CCSER1: variants seen among roughly 807,000 people sequenced by gnomAD.
CCSER1 encodes the protein coiled-coil serine rich protein 1.
CCSER1 carries 41 observed loss-of-function variants against 82.0 expected under a neutral mutation model. The ratio of observed to expected loss-of-function variants is 0.50; its 90% CI spans 0.39 to 0.65. The LOEUF (loss-of-function observed/expected upper bound fraction) is 0.65. CCSER1 is among the 30% of genes least tolerant of loss of function. CCSER1 has a pLI of 0.00. For synonymous variants in CCSER1, 414 were observed against 383.9 expected, an observed-to-expected ratio of 1.08 and a Z score of -0.92; for missense variants, 1,119 against 1,064.2, an observed-to-expected ratio of 1.05 and a Z score of -0.72.
intron 1 of CCSER1, among the ~76,000 whole-genome samples, chr4:90,225,696 A>G (rs1288411508): frequency 1.3e-5 from 2 of 152,154 alleles, no homozygotes; most frequent in East Asian, 3.9e-4. Context: ...TATAGATCCT[A>G]CTTGCTCTGT....
intron 10 of CCSER1, among the ~76,000 whole-genome samples, chr4:91,262,364 C>T (rs1360396685): frequency 1.3e-5 from 2 of 151,964 alleles, no homozygotes; most frequent in African/African-American, 2.4e-5. Flanking sequence ...TTTTATTAGA[C>T]ACGAAAATGT....
At position 90,425,821 on chromosome 4, in the gene CCSER1, G is replaced by A. The variant is rs1757444221; in HGVS notation, c.1603+25692G>A. ...ACCACTTTTTCTACACACTAAACTT[G>A]ACTTCCAGCAAATATTTATTGAAGA... On this transcript the variant is annotated intron_variant, in intron 4 of 10. Coordinates refer to ENST00000509176, the MANE Select transcript of CCSER1 (RefSeq NM_001145065.2). Among the ~76,000 whole-genome samples, 3 of 152,028 alleles carry A rather than the reference G, an allele frequency of 2.0e-5. 1 individual carries two copies. In the South Asian group the frequency reaches 6.2e-4, roughly 32 times the overall value.
chr4:90,984,636 T>C (rs1183588909), intron 9 of CCSER1, among the ~76,000 whole-genome samples: 1 of 151,766 alleles, frequency 6.6e-6, no homozygotes, highest in African/African-American at 2.4e-5. Context: ...AGGATCTCTT[T>C]TAATGGAGTG....
intron 9 of CCSER1, among the ~76,000 whole-genome samples, chr4:90,960,142 G>A (rs78373917): frequency 6.6e-6 from 1 of 152,046 alleles, no homozygotes; most frequent in Admixed American, 6.6e-5. Flanking sequence ...CTTTCACAGA[G>A]ATAGCCTGTT....
rs370313420 is a variant in CCSER1, at chr4:90,253,378, G to A, written c.-41-54866G>A. 4.7e-4 allele frequency among the ~76,000 whole-genome samples: 71 copies of A among 152,230 alleles called. 1 individual carries two copies. The East Asian group carries it at 9.8e-3, about 21-fold the overall frequency. On this transcript the variant is annotated intron_variant, in intron 1 of 10. Transcript: ENST00000509176. ...GAATTTTTTTAGTATTTCTTGAGAA[G>A]TAGATGTGCTAGCAATGAATTCTGT...
intron 8 of CCSER1, among the ~76,000 whole-genome samples, chr4:90,913,281 A>G (rs779517898): frequency 2.0e-5 from 3 of 152,230 alleles, no homozygotes; most frequent in Admixed American, 2.0e-4. Context: ...CATCAGACTA[A>G]CAGCTGATCT....
intron 1 of CCSER1, among the ~76,000 whole-genome samples, chr4:90,182,096 A>G (rs542137424): frequency 1.3e-5 from 2 of 152,286 alleles, no homozygotes; most frequent in African/African-American, 2.4e-5. Flanking sequence ...AGGTTTTTAT[A>G]TTAATGTTGG....
At chr4:91,224,056 G>A (rs1038318546) in intron 10 of CCSER1, among the ~76,000 whole-genome samples, 1 of 135,044 alleles carries the variant, frequency 7.4e-6, no homozygotes, top group African/African-American at 3.1e-5. Flanking sequence ...GCTCAAAGTG[G>A]CTTTTTTTTT....
chr4:90,788,529 A>G (rs747978458), intron 7 of CCSER1, among the ~76,000 whole-genome samples: 5 of 152,272 alleles, frequency 3.3e-5, no homozygotes, highest in South Asian at 2.1e-4. Context: ...CATAACTCCA[A>G]TCTTCACATG....
chr4:90,720,289 GA>G (rs199943099), intron 6 of CCSER1, among the ~76,000 whole-genome samples: 15 of 122,444 alleles, frequency 1.2e-4, no homozygotes, highest in East Asian at 5.2e-4. Context: ...TTGTTTTTTA[GA>G]AAAAAAAAAT....
intron 1 of CCSER1, among the ~76,000 whole-genome samples, chr4:90,188,206 G>A (rs1461916830): frequency 1.3e-5 from 2 of 151,672 alleles, no homozygotes; most frequent in East Asian, 1.9e-4. Context: ...TGAGGTATGG[G>A]CACTAATGTA....
At chr4:91,114,969 C>T (rs756883427) in intron 10 of CCSER1, among the ~76,000 whole-genome samples, 7 of 151,888 alleles carry the variant, frequency 4.6e-5, no homozygotes, top group South Asian at 2.1e-4. Context: ...TTATACATGC[C>T]GTGAGTTTTT....
intron 9 of CCSER1, among the ~76,000 whole-genome samples, chr4:91,013,911 G>A (rs6819085): frequency 0.16 from 21,009 of 129,822 alleles, 4,741 homozygotes; most frequent in South Asian, 0.28. Context: ...GTGAGCCACC[G>A]CTCCGGGCAC....
chr4:91,569,450 T>C (rs989183619), intron 10 of CCSER1, among the ~76,000 whole-genome samples: 2 of 152,146 alleles, frequency 1.3e-5, no homozygotes, highest in African/African-American at 4.8e-5. Flanking sequence ...CTCATGCTTG[T>C]GTGAAGAAAT....
At chr4:91,000,286 T>A (rs2150474760) in intron 9 of CCSER1, among the ~76,000 whole-genome samples, 1 of 151,914 alleles carries the variant, frequency 6.6e-6, no homozygotes, top group East Asian at 1.9e-4. Flanking sequence ...TATGTATAGT[T>A]TAGGTTACAT....
intron 3 of CCSER1, among the ~76,000 whole-genome samples, chr4:90,398,670 T>G (rs1003625826): frequency 3.3e-5 from 5 of 152,204 alleles, no homozygotes; most frequent in African/African-American, 1.2e-4. Flanking sequence ...AAGTAGTTTA[T>G]TCTTATTGGA....
intron 10 of CCSER1, among the ~76,000 whole-genome samples, chr4:91,332,995 C>T (rs1747064530): frequency 6.6e-6 from 1 of 152,078 alleles, no homozygotes; most frequent in South Asian, 2.1e-4. Context: ...TTGAGATGAA[C>T]AAACTTAACT....
At chr4:90,652,621 A>T (rs1728967950) in intron 6 of CCSER1, among the ~76,000 whole-genome samples, 1 of 152,150 alleles carries the variant, frequency 6.6e-6, no homozygotes, top group African/African-American at 2.4e-5. Context: ...TTATCTTATT[A>T]TCTATTGCAA....
intron 10 of CCSER1, among the ~76,000 whole-genome samples, chr4:91,550,386 C>G (rs1242435710): frequency 6.6e-6 from 1 of 152,128 alleles, no homozygotes; most frequent in Non-Finnish European, 1.5e-5. Context: ...AGCAATTCAT[C>G]AATTACAGTT....
Sources: allele counts gnomAD v4.1 joint callset (sites outside exome capture counted in the v4.1 genomes callset), GRCh38; gene constraint gnomAD v4.1.1; transcripts MANE v1.5; gene names NCBI Gene and HGNC (gene_info 2026-07-23, HGNC 2026-07-21).